RGP1: variants seen among roughly 807,000 people sequenced by gnomAD.
RGP1 encodes the protein RGP1 partner of RAB6A GEF complex, also known as RAB6A-GEF complex partner protein 2.
In RGP1, 28 loss-of-function variants were observed where a neutral mutation model predicts 44.5. The ratio of observed to expected loss-of-function variants is 0.63; its 90% CI spans 0.47 to 0.86. RGP1 has a LOEUF of 0.86. RGP1 is among the 40% of genes least tolerant of loss of function. The probability of loss-of-function intolerance (pLI) is 0.00; values close to 1 mark genes in which losing one functional copy is unlikely to be tolerated. For synonymous variants in RGP1, 212 were observed against 196.7 expected (o/e 1.08, Z -0.65); for missense variants, 417 against 490.7 (o/e 0.85, Z 1.42).
chr9:35,788,825 G>A, the RGP1 span, among the ~76,000 whole-genome samples: 1 of 151,952 alleles, frequency 6.6e-6, no homozygotes, highest in African/African-American at 2.4e-5. Flanking sequence ...TGGATAGTGG[G>A]ATATATACAT....
the RGP1 span, among the ~76,000 whole-genome samples, chr9:35,789,474 G>A: frequency 6.6e-6 from 1 of 151,912 alleles, no homozygotes; most frequent in South Asian, 2.1e-4. Context: ...GATTTGTTTG[G>A]TTTTTAATAG....
At chr9:35,763,582 C>T (rs1230194993), downstream of RGP1, among the ~76,000 whole-genome samples, 1 of 152,066 alleles carries the variant, frequency 6.6e-6, no homozygotes, top group East Asian at 1.9e-4. Context: ...TAGAAATTGC[C>T]TGGAAGAAAA....
downstream of RGP1, chr9:35,758,650 C>T (rs757080654): frequency 6.6e-6 from 1 of 152,210 alleles, no homozygotes; most frequent in Non-Finnish European, 1.5e-5. Flanking sequence ...TTAGCCCCAG[C>T]CCTACTCTAT....
the RGP1 span, among the ~76,000 whole-genome samples, chr9:35,787,039 G>A: frequency 4.0e-5 from 6 of 151,294 alleles, no homozygotes; most frequent in African/African-American, 1.5e-4. Context: ...GGCGGAGCTT[G>A]CAGTGAGCCG....
rs1563974606 is a variant in RGP1, at chr9:35,753,754, CAT to C, written c.*882_*883del. 1 of 1,613,660 alleles carries C rather than the reference CAT, an allele frequency of 6.2e-7. No homozygotes were observed. Among genetic ancestry groups the C allele is most frequent in the East Asian group, 2.2e-5 (1 of 44,872 alleles). ...TCACCCAGGGTAAAATATTTCCCCTCATAGTGACAGGGGGCTAGGGAAGAACG... is the reference window on the plus strand; with the variant it reads ...TCACCCAGGGTAAAATATTTCCCCTCAGTGACAGGGGGCTAGGGAAGAACG... On this transcript the variant is annotated 3_prime_UTR_variant, in exon 9 of 9. Coordinates refer to ENST00000378078, the MANE Select transcript of RGP1 (RefSeq NM_001080496.3). The surrounding 1 kb of genome is among the most constrained non-coding windows in gnomAD (Gnocchi z 4.2).
chr9:35,774,764 G>A, the RGP1 span, among the ~76,000 whole-genome samples: 1 of 151,996 alleles, frequency 6.6e-6, no homozygotes, highest in Admixed American at 6.6e-5. Flanking sequence ...GTTACTATGG[G>A]GAAATTTGAA....
the RGP1 span, among the ~76,000 whole-genome samples, chr9:35,777,127 C>CTTTTTTTT: frequency 1.2e-5 from 1 of 82,312 alleles, no homozygotes; most frequent in Non-Finnish European, 2.2e-5. Context: ...AGGTGTTTTT[C>CTTTTTTTT]TTTTTTTTTT....
the RGP1 span, among the ~76,000 whole-genome samples, chr9:35,776,053 G>A: frequency 2.0e-5 from 3 of 152,158 alleles, no homozygotes; most frequent in African/African-American, 7.2e-5. Context: ...GTTTTCCTCT[G>A]AATCACAGAT....
At chr9:35,785,166 C>T in the RGP1 span, among the ~76,000 whole-genome samples, 2 of 152,192 alleles carry the variant, frequency 1.3e-5, no homozygotes, top group Non-Finnish European at 2.9e-5. Flanking sequence ...GTCAGCACAA[C>T]TGTTGTGAGC....
chr9:35,787,895 G>T, the RGP1 span, among the ~76,000 whole-genome samples: 377 of 152,296 alleles, frequency 2.5e-3, 1 homozygote, highest in Non-Finnish European at 4.2e-3. Flanking sequence ...CTGTGTGCAG[G>T]GGACAATTGC....
chr9:35,751,514 A>G, intron 6 of RGP1, 102 bp downstream of exon 6: 1 of 1,596,852 alleles, frequency 6.3e-7, no homozygotes, highest in Non-Finnish European at 8.6e-7. Context: ...GGATCCACTG[A>G]TACCTGACAC....
chr9:35,788,573 G>GA, the RGP1 span, among the ~76,000 whole-genome samples: 23,653 of 117,536 alleles, frequency 0.2, 2,074 homozygotes, highest in East Asian at 0.35. Flanking sequence ...CTCAAAAAAA[G>GA]AAAAAAAAAA....
chr9:35,757,381 G>T lies in RGP1; in HGVS notation c.*4507G>T, dbSNP rs1307271473. 6.6e-6 allele frequency: 1 copy of T among 152,528 alleles called. No homozygotes were observed. The highest frequency in any genetic ancestry group is 6.5e-5 in the Admixed American group (1 of 15,290). The allele number at this position is 152,528 out of a possible 1,614,324, so 9.4% of individuals were successfully genotyped here. On this transcript the variant is annotated 3_prime_UTR_variant, in exon 9 of 9. Transcript: ENST00000378078. ...GTCTGACTGTATGGAGGCAGGTGGGGAGGGATCCCCTGGGAGAACTTGGCG... is the reference window on the plus strand; with the variant it reads ...GTCTGACTGTATGGAGGCAGGTGGGTAGGGATCCCCTGGGAGAACTTGGCG...
At chr9:35,785,121 G>C in the RGP1 span, among the ~76,000 whole-genome samples, 1 of 152,166 alleles carries the variant, frequency 6.6e-6, no homozygotes, top group Non-Finnish European at 1.5e-5. Context: ...TTGGGGTAGG[G>C]ACATGCCTTT....
Position 35,749,457 on chromosome 9 carries a change from G to C in RGP1, c.-20+49G>C, listed in dbSNP as rs1486482489. ...GCTGGGACGTGGAACTTTGAGGAAAGGGGGAGCGGAGGCCAGTTTGGGAAC... is the reference window on the plus strand; with the variant it reads ...GCTGGGACGTGGAACTTTGAGGAAACGGGGAGCGGAGGCCAGTTTGGGAAC... On this transcript the variant is annotated intron_variant, in intron 1 of 8. Transcript: ENST00000378078. This position sits in a 1 kb window ranked among gnomAD's most constrained non-coding sequence, Gnocchi z 4.4. 3.2e-6 allele frequency: 2 copies of C among 618,228 alleles called. No homozygotes were observed. Among genetic ancestry groups the C allele is most frequent in the African/African-American group, 1.8e-5 (1 of 55,060 alleles). The allele number at this position is 618,228 out of a possible 1,614,324, so 38.3% of individuals were successfully genotyped here.
the RGP1 span, among the ~76,000 whole-genome samples, chr9:35,769,889 TA>T: frequency 1.3e-5 from 2 of 152,176 alleles, no homozygotes; most frequent in African/African-American, 4.8e-5. Flanking sequence ...AGCACTGCAT[TA>T]AAAAAATTAA....
chr9:35,787,110 T>A, the RGP1 span, among the ~76,000 whole-genome samples: 1 of 143,174 alleles, frequency 7.0e-6, no homozygotes, highest in South Asian at 2.2e-4. Flanking sequence ...AAAAAAAAAT[T>A]TTTTTTTTTA....
Position 35,751,289 on chromosome 9 carries a change from C to T in RGP1, c.511C>T (p.Gln171Ter). Residue 171 changes from glutamine (Q) to a stop codon, truncating the protein, a stop_gained, in exon 6 of 9, where the codon CAG becomes TAG. Coordinates refer to ENST00000378078, the MANE Select transcript of RGP1 (RefSeq NM_001080496.3). LOFTEE classifies it high-confidence loss of function. Reference sequence around the variant, plus strand: ...AGGCCTTCAGGATGTCCGGTTTCCCCAGGATGAGGCTGTAGCCCCATCCAG... The same window carrying T: ...AGGCCTTCAGGATGTCCGGTTTCCCTAGGATGAGGCTGTAGCCCCATCCAG... ...LTGLQDVRFP[Q>*]DEAVAPSSPF... is the part of the protein sequence containing the mutation. 1 of 1,613,994 alleles carries T rather than the reference C, an allele frequency of 6.2e-7. No individual in the cohort carries two copies. Among genetic ancestry groups the T allele is most frequent in the Non-Finnish European group, 8.5e-7 (1 of 1,179,884 alleles).
At chr9:35,751,554 T>G (rs1451344217) in intron 6 of RGP1, 73 bp from the exon 7 acceptor site, 1 of 1,604,228 alleles carries the variant, frequency 6.2e-7, no homozygotes, top group Admixed American at 1.7e-5. Context: ...CCCCATCTTT[T>G]GGCCTGTGGT....
Sources: allele counts gnomAD v4.1 joint callset (sites outside exome capture counted in the v4.1 genomes callset), GRCh38; gene constraint gnomAD v4.1.1; non-coding constraint Gnocchi (gnomAD v3.1); transcripts MANE v1.5; gene names NCBI Gene and HGNC (gene_info 2026-07-23, HGNC 2026-07-21).